PTBP2: variants seen among roughly 807,000 people sequenced by gnomAD.
PTBP2 encodes the protein polypyrimidine tract-binding protein 2.
In PTBP2, 13 loss-of-function variants were observed where a neutral mutation model predicts 61.4. The observed-to-expected ratio is 0.21, with a 90% CI of 0.14 to 0.34. The LOEUF is 0.34. Among genes scored for constraint, PTBP2 ranks in the 10% least tolerant of loss-of-function variants. The pLI, the probability that PTBP2 is intolerant of heterozygous loss-of-function variation, is 1.00. For missense variants in PTBP2, 405 were observed against 642.6 expected (o/e 0.63, Z 4.00); for synonymous variants, 215 against 218.5 (o/e 0.98, Z 0.14).
chr1:96,810,829 G>A (rs1262866022), intron 11 of PTBP2, among the ~76,000 whole-genome samples: 1 of 152,108 alleles, frequency 6.6e-6, no homozygotes, highest in Non-Finnish European at 1.5e-5. Context: ...GGGTTTTATT[G>A]TAAAAGGATT....
chr1:96,817,374 GAA>G (rs1456588881), downstream of PTBP2: 1 of 92,370 alleles, frequency 1.1e-5, no homozygotes, highest in Non-Finnish European at 2.2e-5. Flanking sequence ...GAATTCAGCA[GAA>G]AGTCTTAATT....
At chr1:96,789,079 AT>A (rs1659508338) in intron 8 of PTBP2, among the ~76,000 whole-genome samples, 1 of 152,078 alleles carries the variant, frequency 6.6e-6, no homozygotes, top group Non-Finnish European at 1.5e-5. Flanking sequence ...TAGTTAATTT[AT>A]TAAGGGGTAG....
At chr1:96,745,879 A>G (rs2100879052) in intron 2 of PTBP2, among the ~76,000 whole-genome samples, 1 of 152,224 alleles carries the variant, frequency 6.6e-6, no homozygotes, top group African/African-American at 2.4e-5. Flanking sequence ...AGCCTGGCCA[A>G]CATAGTGAAA....
chr1:96,745,582 T>C (rs116255137), intron 2 of PTBP2, among the ~76,000 whole-genome samples: 193 of 152,314 alleles, frequency 1.3e-3, no homozygotes, highest in Non-Finnish European at 2.0e-3. Flanking sequence ...TAGTTTTTTT[T>C]TAGTTTATGG....
At chr1:96,804,603 TG>T (rs904270653) in intron 8 of PTBP2, among the ~76,000 whole-genome samples, 196 bp from the exon 9 acceptor site, 1 of 152,188 alleles carries the variant, frequency 6.6e-6, no homozygotes, top group African/African-American at 2.4e-5. Flanking sequence ...TTAATGGTTT[TG>T]TTGAAATCAA....
At chr1:96,805,149 C>CTA (rs1661380934) in intron 9 of PTBP2, among the ~76,000 whole-genome samples, 1 of 151,956 alleles carries the variant, frequency 6.6e-6, no homozygotes, top group Non-Finnish European at 1.5e-5. Flanking sequence ...ATATCTATAT[C>CTA]TATATATGTA....
intron 2 of PTBP2, among the ~76,000 whole-genome samples, chr1:96,733,134 G>A (rs956880468): frequency 6.6e-6 from 1 of 151,872 alleles, no homozygotes; most frequent in Non-Finnish European, 1.5e-5. Flanking sequence ...TGTTAGCAGG[G>A]CTGTGTTCCT....
chr1:96,796,179 A>G (rs1660362485), intron 8 of PTBP2, among the ~76,000 whole-genome samples: 1 of 151,902 alleles, frequency 6.6e-6, no homozygotes, highest in Admixed American at 6.6e-5. Flanking sequence ...TTGGCTGGGC[A>G]TGGTGGCTCA....
chr1:96,737,520 GGA>G (rs1264690846), intron 2 of PTBP2, among the ~76,000 whole-genome samples: 1 of 152,112 alleles, frequency 6.6e-6, no homozygotes, highest in Non-Finnish European at 1.5e-5. Flanking sequence ...TTAATAGCGT[GGA>G]AAGGTTCTAT....
Position 96,785,186 on chromosome 1 carries a change from C to A in PTBP2, c.836C>A (p.Ser279Tyr). 6.2e-7 allele frequency: 1 copy of A among 1,611,262 alleles called. No homozygotes were observed. The highest frequency in any genetic ancestry group is 8.5e-7 in the Non-Finnish European group (1 of 1,178,836). The part of the protein sequence containing the change: ...SRDYTRPDLP[S>Y]GDGQPALDPA... Reference sequence around the variant, plus strand: ...GATTATACTCGACCTGATCTTCCATCTGGGGATGGACAACCTGCATTGGAC... The same window carrying A: ...GATTATACTCGACCTGATCTTCCATATGGGGATGGACAACCTGCATTGGAC... The change falls in exon 8 of 14, where the codon TCT (serine) becomes TAT (tyrosine). Residue 279 changes from serine (S) to tyrosine (Y), a missense_variant. This residue lies in a region of PTBP2 where 342 missense variants were observed against 491.2 expected (regional missense o/e 0.70). Transcript: ENST00000674951.
intron 2 of PTBP2, among the ~76,000 whole-genome samples, chr1:96,748,318 A>G (rs750206734): frequency 6.6e-6 from 1 of 152,212 alleles, no homozygotes; most frequent in Non-Finnish European, 1.5e-5. Context: ...TGGTATTAAT[A>G]GTTGGACTAG....
At chr1:96,759,425 C>G (rs996551824) in intron 3 of PTBP2, among the ~76,000 whole-genome samples, 6 of 152,190 alleles carry the variant, frequency 3.9e-5, no homozygotes, top group Non-Finnish European at 5.9e-5. Flanking sequence ...ATAACTCATG[C>G]ATTAAAGTTG....
intron 8 of PTBP2, among the ~76,000 whole-genome samples, chr1:96,801,194 G>C (rs1022154414): frequency 6.6e-6 from 1 of 152,036 alleles, no homozygotes; most frequent in Non-Finnish European, 1.5e-5. Context: ...TTTCAGGAGG[G>C]AAAAATGAGT....
intron 2 of PTBP2, among the ~76,000 whole-genome samples, chr1:96,734,554 A>G (rs1420646370): frequency 6.6e-6 from 1 of 151,944 alleles, no homozygotes; most frequent in Non-Finnish European, 1.5e-5. Context: ...CTTTTAATGT[A>G]CAAGCTCTCC....
At chr1:96,733,482 C>A (rs1248711596) in intron 2 of PTBP2, among the ~76,000 whole-genome samples, 2 of 152,106 alleles carry the variant, frequency 1.3e-5, no homozygotes, top group African/African-American at 4.8e-5. Context: ...AGTTTGAGAC[C>A]AGCCTGGTCC....
intron 11 of PTBP2, among the ~76,000 whole-genome samples, chr1:96,809,820 A>C (rs1571034547): frequency 6.6e-6 from 1 of 152,200 alleles, no homozygotes; most frequent in African/African-American, 2.4e-5. Flanking sequence ...ACAGTGAAAG[A>C]GAAGTCTTGA....
intron 3 of PTBP2, among the ~76,000 whole-genome samples, chr1:96,756,285 G>A (rs1317583818): frequency 6.6e-6 from 1 of 152,180 alleles, no homozygotes; most frequent in Non-Finnish European, 1.5e-5. Context: ...TGTAATCCCA[G>A]CCACTCAGGA....
In PTBP2 at chr1:96,739,618, G is replaced by GGTTT. The variant is rs1232683663; in HGVS notation, c.40-11807_40-11806insGTTT. ...GCTACAAAATCTGAAACTGGTGTGT[G>GGTTT]TTTTTTTTTTTTTTTTTTTTTTTTT... On this transcript the variant is annotated intron_variant, in intron 2 of 13. Coordinates refer to ENST00000674951, the MANE Select transcript of PTBP2 (RefSeq NM_021190.4). Among the ~76,000 whole-genome samples, 11 of 83,790 alleles carry GGTTT rather than the reference G, an allele frequency of 1.3e-4. 1 individual carries two copies. Among genetic ancestry groups the GGTTT allele is most frequent in the East Asian group, 6.8e-4 (2 of 2,938 alleles). The allele number at this position is 83,790 out of a possible 152,430, so 55.0% of individuals were successfully genotyped here.
intron 2 of PTBP2, among the ~76,000 whole-genome samples, chr1:96,746,366 T>C (rs1337902857): frequency 1.3e-5 from 2 of 152,118 alleles, no homozygotes; most frequent in African/African-American, 2.4e-5. Context: ...AACAATTTGG[T>C]GTGTAGTATA....
Sources: allele counts gnomAD v4.1 joint callset (sites outside exome capture counted in the v4.1 genomes callset), GRCh38; gene constraint gnomAD v4.1.1; regional missense constraint gnomAD v4.1.1; transcripts MANE v1.5; gene names NCBI Gene and HGNC (gene_info 2026-07-23, HGNC 2026-07-21).